The following SLC49A4 variants were observed in gnomAD, a reference collection of about 807,000 sequenced individuals.
SLC49A4 encodes disrupted in renal cancer protein 2.
A neutral mutation model predicts 50.6 loss-of-function variants in SLC49A4; 36 were observed. The observed-to-expected ratio is 0.71, with a 90% CI of 0.55 to 0.94. The LOEUF is 0.94. Among genes scored for constraint, SLC49A4 ranks in the 40% least tolerant of loss-of-function variants. The probability of loss-of-function intolerance (pLI) is 0.00; values close to 1 mark genes in which losing one functional copy is unlikely to be tolerated. For synonymous variants in SLC49A4, 248 were observed against 241.2 expected (o/e 1.03, Z -0.26); for missense variants, 503 against 605.7 (o/e 0.83, Z 1.78).
At position 122,840,454 on chromosome 3, in the gene SLC49A4, T is replaced by C. The variant is rs1936755635; in HGVS notation, c.834-5309T>C. Among the ~76,000 whole-genome samples, 3 of 152,128 alleles carry C rather than the reference T, an allele frequency of 2.0e-5. No homozygotes were observed. The South Asian group carries it at 6.2e-4, about 31-fold the overall frequency. On this transcript the variant is annotated intron_variant, in intron 4 of 8. Coordinates refer to ENST00000261038, the MANE Select transcript of SLC49A4 (RefSeq NM_032839.3). Reference sequence around the variant, plus strand: ...TCTTTGAAAATTTTTAATAATCTTATTTTAACAGGAAAAATAAGTAAAATT... The same window carrying C: ...TCTTTGAAAATTTTTAATAATCTTACTTTAACAGGAAAAATAAGTAAAATT...
Position 122,827,027 on chromosome 3 carries a change from C to T in SLC49A4, c.665C>T (p.Ala222Val), listed in dbSNP as rs371361425. 111 of 1,613,698 alleles carry T rather than the reference C, an allele frequency of 6.9e-5. 1 individual carries two copies. The South Asian group carries it at 1.1e-3, about 15-fold the overall frequency. Residue 222 changes from alanine to valine, a missense_variant, in exon 3 of 9, where the codon GCG becomes GTG. Physicochemically the swap from Ala to Val is moderately conservative, Grantham distance 64 (BLOSUM62 0). Transcript: ENST00000261038. ...SPLLAAESSR[A>V]HIKDRIEAVL... ...CTTCTTGCTGCAGAGAGCAGCAGGG[C>T]GCATATTAAAGATCGCATAGAGGCT...
intron 7 of SLC49A4, among the ~76,000 whole-genome samples, chr3:122,869,128 A>G (rs901166701): frequency 3.3e-5 from 5 of 152,138 alleles, no homozygotes; most frequent in Admixed American, 1.3e-4. Flanking sequence ...AATTTCTTTT[A>G]ATTTTATTAA....
chr3:122,866,677 A>T (rs932927763), intron 7 of SLC49A4, among the ~76,000 whole-genome samples: 1 of 152,128 alleles, frequency 6.6e-6, no homozygotes, highest in Non-Finnish European at 1.5e-5. Flanking sequence ...GACAGCTGTC[A>T]TGTCTGACCT....
At chr3:122,828,560 C>T (rs764033414) in intron 3 of SLC49A4, among the ~76,000 whole-genome samples, 1 of 152,092 alleles carries the variant, frequency 6.6e-6, no homozygotes, top group Non-Finnish European at 1.5e-5. Context: ...AAGGCAAGCC[C>T]CACGCAAACC....
chr3:122,843,340 C>T, intron 4 of SLC49A4, among the ~76,000 whole-genome samples: 1 of 152,076 alleles, frequency 6.6e-6, no homozygotes, highest in East Asian at 1.9e-4. Flanking sequence ...TATCTTTGTA[C>T]CACCCACTTC....
intron 5 of SLC49A4, among the ~76,000 whole-genome samples, chr3:122,851,518 T>C (rs975403280): frequency 5.9e-5 from 9 of 152,234 alleles, no homozygotes; most frequent in African/African-American, 2.2e-4. Flanking sequence ...ATTGAGAAGT[T>C]AGCTCTCAAA....
chr3:122,815,832 C>G (rs1439490743), intron 2 of SLC49A4, among the ~76,000 whole-genome samples: 1 of 152,204 alleles, frequency 6.6e-6, no homozygotes, highest in Non-Finnish European at 1.5e-5. Context: ...TTGGACATTT[C>G]ACTTTCTGCT....
intron 5 of SLC49A4, among the ~76,000 whole-genome samples, chr3:122,848,522 A>C (rs1314669119): frequency 6.6e-6 from 1 of 152,190 alleles, no homozygotes; most frequent in African/African-American, 2.4e-5. Flanking sequence ...AACCATGATC[A>C]TTATATTTCT....
chr3:122,845,609 T>TGG (rs1936836873), intron 4 of SLC49A4, among the ~76,000 whole-genome samples, 154 bp from the exon 5 acceptor site: 1 of 136,874 alleles, frequency 7.3e-6, no homozygotes, highest in Non-Finnish European at 1.5e-5. Context: ...TCCAGCACGT[T>TGG]TTTTTTTTTT....
At chr3:122,851,468 G>GA (rs1214550687) in intron 5 of SLC49A4, among the ~76,000 whole-genome samples, 3 of 151,352 alleles carry the variant, frequency 2.0e-5, no homozygotes, top group East Asian at 1.9e-4. Flanking sequence ...TTGGTTCTTT[G>GA]AAAAAAAAGA....
chr3:122,874,995 G>T (rs931245047), intron 8 of SLC49A4, among the ~76,000 whole-genome samples: 1 of 152,076 alleles, frequency 6.6e-6, no homozygotes, highest in East Asian at 1.9e-4. Flanking sequence ...CAGAAACATC[G>T]TCCACATCTC....
chr3:122,833,005 G>T (rs1022154327), intron 3 of SLC49A4, among the ~76,000 whole-genome samples: 1 of 152,046 alleles, frequency 6.6e-6, no homozygotes, highest in African/African-American at 2.4e-5. Flanking sequence ...GCAGGAGAAT[G>T]GCTTGAACAT....
chr3:122,876,178 C>T (rs1937264494), intron 8 of SLC49A4, among the ~76,000 whole-genome samples: 1 of 152,204 alleles, frequency 6.6e-6, no homozygotes, highest in African/African-American at 2.4e-5. Context: ...CTAATGATGT[C>T]ACATAGAAAA....
At chr3:122,832,522 G>A (rs2107567768) in intron 3 of SLC49A4, among the ~76,000 whole-genome samples, 1 of 152,224 alleles carries the variant, frequency 6.6e-6, no homozygotes, top group South Asian at 2.1e-4. Flanking sequence ...CATACAGTCT[G>A]TAAATTGGGT....
At chr3:122,859,988 C>A in intron 6 of SLC49A4, 87 bp from the exon 7 acceptor site, 3 of 1,136,156 alleles carry the variant, frequency 2.6e-6, no homozygotes, top group South Asian at 2.6e-5. Flanking sequence ...TGGAAAATTC[C>A]TCAAGTAGTT....
At chr3:122,837,452 C>A (rs1218736372) in intron 4 of SLC49A4, among the ~76,000 whole-genome samples, 1 of 152,082 alleles carries the variant, frequency 6.6e-6, no homozygotes, top group Non-Finnish European at 1.5e-5. Flanking sequence ...CAAAAACAAG[C>A]AATGGGGACA....
chr3:122,801,941 C>G lies in SLC49A4; in HGVS notation c.344-4916C>G, dbSNP rs556266680. Among the ~76,000 whole-genome samples the G allele has an allele frequency of 2.0e-5, 3 of 152,142 alleles. No homozygotes were observed. In the South Asian group the frequency reaches 6.2e-4, roughly 32 times the overall value. ...AAATTAGACCAAAGGCTGTTCTGGC[C>G]ATGATGGAGTAACGGGAACTGGATT... On this transcript the variant is annotated intron_variant, in intron 1 of 8. Coordinates refer to ENST00000261038, the MANE Select transcript of SLC49A4 (RefSeq NM_032839.3).
intron 2 of SLC49A4, among the ~76,000 whole-genome samples, chr3:122,813,081 C>A (rs993518163): frequency 6.6e-6 from 1 of 152,086 alleles, no homozygotes; most frequent in Admixed American, 6.6e-5. Flanking sequence ...GAAACCCAGT[C>A]TCTACTAAAA....
intron 4 of SLC49A4, among the ~76,000 whole-genome samples, chr3:122,845,086 TA>T (rs1165049099): frequency 5.9e-5 from 9 of 152,080 alleles, no homozygotes; most frequent in African/African-American, 2.2e-4. Flanking sequence ...TAGTATCCAA[TA>T]GGTAGTTTTT....
Sources: allele counts gnomAD v4.1 joint callset (sites outside exome capture counted in the v4.1 genomes callset), GRCh38; gene constraint gnomAD v4.1.1; transcripts MANE v1.5; gene names NCBI Gene and HGNC (gene_info 2026-07-23, HGNC 2026-07-21).